The following CLSTN2 variants were observed in gnomAD, a reference collection of about 807,000 sequenced individuals.
The protein encoded by CLSTN2 is calsyntenin-2.
Under a neutral mutation model 101.2 loss-of-function variants are expected in CLSTN2, and 48 were observed. The ratio of observed to expected loss-of-function variants is 0.47; its 90% confidence interval spans 0.38 to 0.60. The LOEUF (loss-of-function observed/expected upper bound fraction) is 0.60, where lower values mean the gene tolerates loss of function less well. Among genes scored for constraint, CLSTN2 ranks in the 20% least tolerant of loss-of-function variants. The pLI, the probability that CLSTN2 is intolerant of heterozygous loss-of-function variation, is 0.00. For synonymous variants in CLSTN2, 481 were observed against 463.6 expected (o/e 1.04, Z -0.48); for missense variants, 1,160 against 1,238.2 (o/e 0.94, Z 0.95).
intron 2 of CLSTN2, among the ~76,000 whole-genome samples, chr3:140,323,113 A>T (rs1031102507): frequency 1.4e-4 from 21 of 152,206 alleles, no homozygotes; most frequent in African/African-American, 5.1e-4. Context: ...GGACTAAAGA[A>T]AGAAAGCCAG....
rs145549233 is a variant in CLSTN2, at chr3:140,279,588, G to A, written c.232+103515G>A. On this transcript the variant is annotated intron_variant, in intron 2 of 16. Transcript: ENST00000458420. ...CTGCCTTTCTGATCACTGCAGTAAT[G>A]CAGCTGTGTCTCTGCTCAGGCCCTA... Among the ~76,000 whole-genome samples, 5 of 152,340 alleles carry A rather than the reference G, an allele frequency of 3.3e-5. No homozygotes were observed. The Middle Eastern group carries it at 0.01, about 311-fold the overall frequency.
intron 1 of CLSTN2, among the ~76,000 whole-genome samples, chr3:140,072,678 G>A (rs187557912): frequency 6.6e-6 from 1 of 152,276 alleles, no homozygotes; most frequent in East Asian, 1.9e-4. Context: ...TCAGATCCAT[G>A]ATTAATCAAA....
chr3:140,453,766 C>T (rs6767075), intron 6 of CLSTN2, among the ~76,000 whole-genome samples: 7,550 of 152,060 alleles, frequency 0.05, 612 homozygotes, highest in African/African-American at 0.17. Flanking sequence ...AATTGTTTAA[C>T]GTAAAAAAAT....
rs572064959 is a variant in CLSTN2, at chr3:140,077,790, C to G, written c.110-98161C>G. On this transcript the variant is annotated intron_variant, in intron 1 of 16. Transcript: ENST00000458420. ...GCTCTTTCCTCTGTTGTCCTTTCAT[C>G]CAGTATCAAATGCTCACTTTGCCGT... Among the ~76,000 whole-genome samples, 15 of 152,210 alleles carry G rather than the reference C, an allele frequency of 9.9e-5. No individual in the cohort carries two copies. In the South Asian group the frequency reaches 2.9e-3, roughly 29 times the overall value.
chr3:139,953,931 T>TTG (rs145225696), intron 1 of CLSTN2, among the ~76,000 whole-genome samples: 57 of 147,496 alleles, frequency 3.9e-4, no homozygotes, highest in African/African-American at 1.0e-3. Context: ...GTGTGTGTGT[T>TTG]TGTGTGTGTG....
intron 2 of CLSTN2, among the ~76,000 whole-genome samples, chr3:140,246,324 T>C (rs905572520): frequency 6.6e-6 from 1 of 152,210 alleles, no homozygotes; most frequent in Non-Finnish European, 1.5e-5. Context: ...AGAGCGTTCC[T>C]GGTAAATAAC....
chr3:140,364,810 A>T (rs1267745778), intron 2 of CLSTN2, among the ~76,000 whole-genome samples: 1 of 152,072 alleles, frequency 6.6e-6, no homozygotes, highest in Non-Finnish European at 1.5e-5. Flanking sequence ...TTCATTCAGG[A>T]AATATTGATT....
At chr3:140,310,256 A>T (rs139270396) in intron 2 of CLSTN2, among the ~76,000 whole-genome samples, 169 of 152,060 alleles carry the variant, frequency 1.1e-3, no homozygotes, top group Middle Eastern at 3.4e-3. Context: ...TGAGCACCCA[A>T]ACTGGCCCAT....
Position 140,344,072 on chromosome 3 carries a change from G to A in CLSTN2, c.233-59557G>A, listed in dbSNP as rs555372161. On this transcript the variant is annotated intron_variant, in intron 2 of 16. Coordinates refer to ENST00000458420, the MANE Select transcript of CLSTN2 (RefSeq NM_022131.3). The stretch of plus-strand genomic sequence containing the variant: ...ATTGGCAGCTTGTTTCTTCTCCAGC[G>A]TCCTCTCTTCCTATACCTCACCTTA... 8.5e-5 allele frequency among the ~76,000 whole-genome samples: 13 copies of A among 152,230 alleles called. No individual in the cohort carries two copies. The South Asian group carries it at 1.9e-3, about 22-fold the overall frequency.
At chr3:139,983,615 TC>T (rs1333510759) in intron 1 of CLSTN2, among the ~76,000 whole-genome samples, 2 of 152,120 alleles carry the variant, frequency 1.3e-5, no homozygotes, top group African/African-American at 2.4e-5. Flanking sequence ...GTATGTAAAG[TC>T]CATTTTTAAT....
In CLSTN2 at chr3:139,964,885, G is replaced by C. The variant is rs564314393; in HGVS notation, c.109+29402G>C. ...CACACATCTTTGTCCCATTACGGCTGCCTCACTTCTCTTCAATTGGGGAAT... is the reference window on the plus strand; with the variant it reads ...CACACATCTTTGTCCCATTACGGCTCCCTCACTTCTCTTCAATTGGGGAAT... On this transcript the variant is annotated intron_variant, in intron 1 of 16. Coordinates refer to ENST00000458420, the MANE Select transcript of CLSTN2 (RefSeq NM_022131.3). 2.0e-5 allele frequency among the ~76,000 whole-genome samples: 3 copies of C among 152,294 alleles called. No homozygotes were observed. In the South Asian group the frequency reaches 6.2e-4, roughly 32 times the overall value.
At position 140,199,335 on chromosome 3, in the gene CLSTN2, T is replaced by C. The variant is rs78078184; in HGVS notation, c.232+23262T>C. On this transcript the variant is annotated intron_variant, in intron 2 of 16. Coordinates refer to ENST00000458420, the MANE Select transcript of CLSTN2 (RefSeq NM_022131.3). ...ATAACCCTTTATCTCATCATTGATTTCCTTTCCTGACCATCAGAATCACCT... is the reference window on the plus strand; with the variant it reads ...ATAACCCTTTATCTCATCATTGATTCCCTTTCCTGACCATCAGAATCACCT... Among the ~76,000 whole-genome samples, 1,171 of 152,294 alleles carry C rather than the reference T, an allele frequency of 7.7e-3. 13 individuals are homozygous for C. The highest frequency in any genetic ancestry group is 0.026 in the African/African-American group (1,088 of 41,564).
intron 7 of CLSTN2, among the ~76,000 whole-genome samples, chr3:140,465,166 A>T (rs1933659157): frequency 6.6e-6 from 1 of 152,228 alleles, no homozygotes; most frequent in African/African-American, 2.4e-5. Context: ...TTGTAACTGA[A>T]AACATCCAGA....
At chr3:140,176,615 A>G (rs1321544711) in intron 2 of CLSTN2, among the ~76,000 whole-genome samples, 1 of 152,218 alleles carries the variant, frequency 6.6e-6, no homozygotes, top group Non-Finnish European at 1.5e-5. Context: ...AGAGCCTCTC[A>G]CTATCATCAA....
chr3:140,026,548 T>C (rs962961483), intron 1 of CLSTN2, among the ~76,000 whole-genome samples: 8 of 152,214 alleles, frequency 5.3e-5, no homozygotes, highest in African/African-American at 1.7e-4. Context: ...ACTGGATTGC[T>C]ACTTGTTTCT....
chr3:140,125,070 A>T (rs571444337), intron 1 of CLSTN2, among the ~76,000 whole-genome samples: 20 of 152,274 alleles, frequency 1.3e-4, no homozygotes, highest in Admixed American at 2.6e-4. Context: ...TAGTAGTGGG[A>T]TGCAAGTGAT....
At chr3:140,545,896 G>A (rs1935574200) in intron 9 of CLSTN2, among the ~76,000 whole-genome samples, 1 of 152,182 alleles carries the variant, frequency 6.6e-6, no homozygotes. Context: ...TTGAATTTAA[G>A]CACGGGTGGA....
intron 1 of CLSTN2, among the ~76,000 whole-genome samples, chr3:139,991,216 A>T (rs531396188): frequency 6.6e-6 from 1 of 152,356 alleles, no homozygotes; most frequent in Non-Finnish European, 1.5e-5. Context: ...GTGCTATTTT[A>T]TACGTGGCTA....
At chr3:140,418,385 G>A (rs2088453892) in intron 4 of CLSTN2, among the ~76,000 whole-genome samples, 1 of 152,046 alleles carries the variant, frequency 6.6e-6, no homozygotes, top group South Asian at 2.1e-4. Context: ...CGTTTTTATT[G>A]AGATATTTTT....
Sources: gnomAD v4.1 joint callset for allele counts (sites outside exome capture counted in the v4.1 genomes callset) on GRCh38, gnomAD v4.1.1 for gene constraint, MANE v1.5 for transcripts, NCBI Gene and HGNC (gene_info 2026-07-23, HGNC 2026-07-21) for gene names.